Variants in UGT1A8 observed in about 807,000 individuals in gnomAD.
The protein encoded by UGT1A8 is UDP glucuronosyltransferase family 1 member A8, also known as UDP-glucuronosyltransferase 1A8.
Under a neutral mutation model 45.3 loss-of-function variants are expected in UGT1A8, and 39 were observed. That is an observed-to-expected ratio of 0.86 (90% CI 0.67 to 1.12). The LOEUF is 1.12. Among genes scored for constraint, UGT1A8 ranks in the 50% most tolerant of loss-of-function variants. The pLI is 0.00. For missense variants in UGT1A8, 719 were observed against 664.9 expected (o/e 1.08, Z -0.90); for synonymous variants, 275 against 249.2 (o/e 1.10, Z -0.97).
chr2:233,719,734 T>C lies in UGT1A8; in HGVS notation c.856-47300T>C, dbSNP rs370386346. 2.0e-5 allele frequency: 32 copies of C among 1,613,416 alleles called. 1 individual carries two copies. The East Asian group carries it at 2.7e-4, about 13-fold the overall frequency. On this transcript the variant is annotated intron_variant, in intron 1 of 4. Transcript: ENST00000373450. Reference sequence around the variant, plus strand: ...CAATCAATGTTCCAGGCAAAACACTTTTTAAAAAATGTATTTACTTACAAG... The same window carrying C: ...CAATCAATGTTCCAGGCAAAACACTCTTTAAAAAATGTATTTACTTACAAG...
chr2:233,631,312 G>A (rs1161833309), intron 1 of UGT1A8, among the ~76,000 whole-genome samples: 1 of 151,878 alleles, frequency 6.6e-6, no homozygotes, highest in Non-Finnish European at 1.5e-5. Flanking sequence ...ATGTGCATGT[G>A]CTTTATAATA....
intron 1 of UGT1A8, among the ~76,000 whole-genome samples, chr2:233,763,057 G>T (rs920282385): frequency 6.6e-6 from 1 of 152,282 alleles, no homozygotes; most frequent in South Asian, 2.1e-4. Context: ...TATTGATTTA[G>T]ATAATTTCCT....
chr2:233,620,909 C>T (rs1423261263), intron 1 of UGT1A8, among the ~76,000 whole-genome samples: 1 of 152,154 alleles, frequency 6.6e-6, no homozygotes, highest in Admixed American at 6.5e-5. Context: ...GAGTGTGAGT[C>T]TCATCTGCCT....
chr2:233,647,447 G>A (rs2073634059), intron 1 of UGT1A8, among the ~76,000 whole-genome samples: 1 of 152,190 alleles, frequency 6.6e-6, no homozygotes, highest in Admixed American at 6.5e-5. Flanking sequence ...GGACTAGATT[G>A]TGAGAAATTG....
chr2:233,753,876 C>A (rs1268305886), intron 1 of UGT1A8, among the ~76,000 whole-genome samples: 2 of 152,192 alleles, frequency 1.3e-5, no homozygotes, highest in Non-Finnish European at 1.5e-5. Context: ...AAGGTCTGTC[C>A]TCAGCCTTCA....
At chr2:233,707,423 CT>C (rs1175644218) in intron 1 of UGT1A8, among the ~76,000 whole-genome samples, 1 of 151,946 alleles carries the variant, frequency 6.6e-6, no homozygotes, top group Non-Finnish European at 1.5e-5. Flanking sequence ...TCGACTATTT[CT>C]TTGCTTTTCT....
chr2:233,734,912 C>G (rs2078584447), intron 1 of UGT1A8, among the ~76,000 whole-genome samples: 1 of 152,122 alleles, frequency 6.6e-6, no homozygotes, highest in Admixed American at 6.5e-5. Flanking sequence ...TTTACATTTG[C>G]TAAGGAGTGC....
intron 1 of UGT1A8, chr2:233,743,074 A>G: frequency 2.9e-6 from 1 of 345,076 alleles, no homozygotes; most frequent in East Asian, 7.5e-5. Context: ...AGGTGTTGGC[A>G]TGAAGTGTTT....
At position 233,713,714 on chromosome 2, in the gene UGT1A8, A is replaced by G. The variant is rs191146485; in HGVS notation, c.856-53320A>G. On this transcript the variant is annotated intron_variant, in intron 1 of 4. Coordinates refer to ENST00000373450, the MANE Select transcript of UGT1A8 (RefSeq NM_019076.5). ...GCCTTGCCTCTGAGCTTTTTCAGAGAGAGGTGTCAGTGGTGGATCTTGTCA... is the reference window on the plus strand; with the variant it reads ...GCCTTGCCTCTGAGCTTTTTCAGAGGGAGGTGTCAGTGGTGGATCTTGTCA... 9.0e-5 allele frequency: 146 copies of G among 1,613,790 alleles called. 1 individual carries two copies. In the East Asian group the frequency reaches 2.9e-3, roughly 32 times the overall value.
intron 1 of UGT1A8, among the ~76,000 whole-genome samples, chr2:233,675,932 A>G (rs2074339491): frequency 6.6e-6 from 1 of 152,192 alleles, no homozygotes; most frequent in Admixed American, 6.5e-5. Context: ...TATCTCATTT[A>G]CAGTCCATAA....
chr2:233,690,043 T>C (rs2074972825), intron 1 of UGT1A8: 1 of 410,506 alleles, frequency 2.4e-6, no homozygotes, highest in Admixed American at 3.0e-5. Flanking sequence ...GCCCAGAGCA[T>C]TCTGACTTCT....
chr2:233,720,145 C>T (rs1311808159), intron 1 of UGT1A8, among the ~76,000 whole-genome samples: 2 of 152,118 alleles, frequency 1.3e-5, no homozygotes, highest in Non-Finnish European at 2.9e-5. Context: ...CCTAGGCACT[C>T]ACAGGAAGTA....
rs1043133002 is a variant in UGT1A8 at position 233,769,410 on chromosome 2, C to A, written c.1295+971C>A. 7.5e-7 allele frequency: 1 copy of A among 1,333,034 alleles called. No homozygotes were observed. The highest frequency in any genetic ancestry group is 1.1e-6 in the Non-Finnish European group (1 of 947,460). The allele number at this position is 1,333,034 out of a possible 1,614,324, so 82.6% of individuals were successfully genotyped here. ...GATACTGTGTGCATATGTGCGTGTG[C>A]GTTTGTGCATGTGGCTGTGCTCATG... On this transcript the variant is annotated intron_variant, in intron 4 of 4. Transcript: ENST00000373450. The surrounding 1 kb of genome is among the most constrained non-coding windows in gnomAD (Gnocchi z 4.4).
chr2:233,729,216 G>C, intron 1 of UGT1A8: 1 of 1,614,144 alleles, frequency 6.2e-7, no homozygotes, highest in Non-Finnish European at 8.5e-7. Flanking sequence ...AGAGTGGAAA[G>C]GTGTTGGTGG....
At chr2:233,665,808 G>A (rs1359535546) in intron 1 of UGT1A8, among the ~76,000 whole-genome samples, 1 of 152,154 alleles carries the variant, frequency 6.6e-6, no homozygotes, top group East Asian at 1.9e-4. Flanking sequence ...CCCAACAGTG[G>A]AGTAGTTGTG....
chr2:233,728,996 G>T, intron 1 of UGT1A8: 1 of 1,557,110 alleles, frequency 6.4e-7, no homozygotes, highest in East Asian at 2.3e-5. Context: ...TTAACTAGAG[G>T]AGGGCACTCT....
chr2:233,682,793 G>A (rs750891491), intron 1 of UGT1A8: 10 of 1,611,268 alleles, frequency 6.2e-6, no homozygotes, highest in Non-Finnish European at 8.5e-6. Flanking sequence ...AGTGCCTATG[G>A]TAAGTTATCT....
chr2:233,728,104 A>G (rs1180093047), intron 1 of UGT1A8, among the ~76,000 whole-genome samples: 1 of 152,120 alleles, frequency 6.6e-6, no homozygotes, highest in Admixed American at 6.5e-5. Flanking sequence ...CACATATTTA[A>G]TTCTCCATCT....
chr2:233,760,559 C>G (rs776620061), intron 1 of UGT1A8: 5 of 1,614,238 alleles, frequency 3.1e-6, no homozygotes, highest in Non-Finnish European at 2.5e-6. Flanking sequence ...GTGAAAGAGT[C>G]TTTTGTTAGT....
Sources: allele counts gnomAD v4.1 joint callset (sites outside exome capture counted in the v4.1 genomes callset), GRCh38; gene constraint gnomAD v4.1.1; non-coding constraint Gnocchi (gnomAD v3.1); transcripts MANE v1.5; gene names NCBI Gene and HGNC (gene_info 2026-07-23, HGNC 2026-07-21).